FAM171B: variants seen among roughly 807,000 people sequenced by gnomAD.
The protein encoded by FAM171B is family with sequence similarity 171 member B.
A neutral mutation model predicts 75.6 loss-of-function variants in FAM171B; 19 were observed. That is an observed-to-expected ratio of 0.25 (90% CI 0.18 to 0.37). FAM171B has a LOEUF of 0.37. Among genes scored for constraint, FAM171B ranks in the 10% least tolerant of loss-of-function variants. FAM171B has a pLI of 1.00. For missense variants in FAM171B, 848 were observed against 982.4 expected (o/e 0.86, Z 1.83); for synonymous variants, 367 against 361.7 (o/e 1.01, Z -0.17).
rs1464989025 is a variant in FAM171B at position 186,694,336 on chromosome 2, C to CAAG, written c.164_165insAGA (p.Gln55_Gln56insGlu). The CAAG allele has an allele frequency of 6.2e-7, 1 of 1,612,970 alleles. No individual in the cohort carries two copies. The highest frequency in any genetic ancestry group is 1.7e-5 in the Admixed American group (1 of 59,896). The stretch of plus-strand genomic sequence containing the variant: ...GCAGCAGCAGCAACAACAACAACAA[C>CAAG]AGCAAAAGCAGCTGGAGGAGGCTGA... On this transcript the variant is annotated inframe_insertion, in exon 1 of 8. Transcript: ENST00000304698.
At chr2:186,749,702 C>T (rs1690421924) in intron 4 of FAM171B, among the ~76,000 whole-genome samples, 1 of 152,142 alleles carries the variant, frequency 6.6e-6, no homozygotes, top group Non-Finnish European at 1.5e-5. Context: ...GCCTGTCTCC[C>T]CTGCTGCCCT....
chr2:186,755,399 A>G (rs1192633901), intron 6 of FAM171B, among the ~76,000 whole-genome samples: 1 of 152,210 alleles, frequency 6.6e-6, no homozygotes, highest in Non-Finnish European at 1.5e-5. Context: ...ATTTTAGAGT[A>G]AAAGTTGAAT....
intron 1 of FAM171B, among the ~76,000 whole-genome samples, chr2:186,698,174 G>C (rs1689608311): frequency 6.6e-6 from 1 of 152,094 alleles, no homozygotes; most frequent in Admixed American, 6.6e-5. Flanking sequence ...TGCTGGGGTT[G>C]GGGGAGAGAG....
intron 1 of FAM171B, 36 bp from the exon 2 acceptor site, chr2:186,740,192 T>C: frequency 1.4e-6 from 2 of 1,470,418 alleles, no homozygotes; most frequent in Non-Finnish European, 1.9e-6. Context: ...CATTCTAGGA[T>C]ACGACATGCT....
At chr2:186,697,547 T>C (rs1434615501) in intron 1 of FAM171B, among the ~76,000 whole-genome samples, 1 of 152,136 alleles carries the variant, frequency 6.6e-6, no homozygotes, top group Middle Eastern at 3.2e-3. Flanking sequence ...ACCATAATTC[T>C]TTACCTGAGT....
intron 1 of FAM171B, among the ~76,000 whole-genome samples, chr2:186,696,613 C>T (rs138244748): frequency 2.7e-5 from 4 of 149,874 alleles, no homozygotes; most frequent in African/African-American, 9.9e-5. Context: ...TAGCCCTTAC[C>T]CTAACTCTCT....
At position 186,764,119 on chromosome 2, in the gene FAM171B, G is replaced by A. The variant is rs1187780204; in HGVS notation, c.*1296G>A. The A allele has an allele frequency of 6.6e-6, 1 of 151,966 alleles. No homozygotes were observed. Among genetic ancestry groups the A allele is most frequent in the African/African-American group, 2.4e-5 (1 of 41,398 alleles). 9.4% of individuals were successfully genotyped at this position (151,966 alleles called of 1,614,324 possible). On this transcript the variant is annotated 3_prime_UTR_variant, in exon 8 of 8. Transcript: ENST00000304698. Reference sequence around the variant, plus strand: ...AGCTCGTTATTCATTAAAATCAACTGATCCCATTTTTCTTAAAATTTCCCT... The same window carrying A: ...AGCTCGTTATTCATTAAAATCAACTAATCCCATTTTTCTTAAAATTTCCCT...
At chr2:186,700,298 T>C (rs1472644616) in intron 1 of FAM171B, among the ~76,000 whole-genome samples, 11 of 152,044 alleles carry the variant, frequency 7.2e-5, no homozygotes. Context: ...AATGTACATA[T>C]TTTAGTGTAC....
At chr2:186,751,869 C>CA (rs1317776757) in intron 5 of FAM171B, among the ~76,000 whole-genome samples, 2 of 151,548 alleles carry the variant, frequency 1.3e-5, no homozygotes, top group Non-Finnish European at 1.5e-5. Context: ...TGTAAGTTAC[C>CA]AAAAAAAGAC....
At chr2:186,707,701 C>T (rs1245491670) in intron 1 of FAM171B, among the ~76,000 whole-genome samples, 2 of 152,052 alleles carry the variant, frequency 1.3e-5, no homozygotes, top group Non-Finnish European at 2.9e-5. Flanking sequence ...AGGTTTTGTG[C>T]CTCAGTGCCT....
At chr2:186,736,538 C>CCG (rs1553511469) in intron 1 of FAM171B, among the ~76,000 whole-genome samples, 1 of 122,944 alleles carries the variant, frequency 8.1e-6, no homozygotes, top group South Asian at 2.8e-4. Flanking sequence ...ATGTTTGTGG[C>CCG]TGTGTGTGTG....
chr2:186,759,224 A>C (rs1574114886), intron 6 of FAM171B, among the ~76,000 whole-genome samples: 1 of 152,214 alleles, frequency 6.6e-6, no homozygotes, highest in Non-Finnish European at 1.5e-5. Context: ...ATCACTTTCA[A>C]ATCTTGGCTA....
chr2:186,721,718 GTCTC>G (rs1214631981), intron 1 of FAM171B, among the ~76,000 whole-genome samples: 1 of 151,912 alleles, frequency 6.6e-6, no homozygotes, highest in Non-Finnish European at 1.5e-5. Context: ...ATTTATTTGT[GTCTC>G]TCTCAGTGCC....
At chr2:186,745,542 C>A (rs1170809815) in intron 3 of FAM171B, among the ~76,000 whole-genome samples, 1 of 152,042 alleles carries the variant, frequency 6.6e-6, no homozygotes, top group African/African-American at 2.4e-5. Context: ...TAAAAGGTGA[C>A]CCATTTGTAA....
chr2:186,723,338 C>A (rs1211553678), intron 1 of FAM171B, among the ~76,000 whole-genome samples: 1 of 152,100 alleles, frequency 6.6e-6, no homozygotes, highest in African/African-American at 2.4e-5. Flanking sequence ...TAAAAGATTC[C>A]CAACAAATGA....
chr2:186,735,342 G>A (rs1262777870), intron 1 of FAM171B, among the ~76,000 whole-genome samples: 1 of 152,186 alleles, frequency 6.6e-6, no homozygotes, highest in African/African-American at 2.4e-5. Flanking sequence ...TGCCACTGGA[G>A]TGGTGGAGCC....
At chr2:186,708,795 C>T (rs1049494087) in intron 1 of FAM171B, among the ~76,000 whole-genome samples, 3 of 151,992 alleles carry the variant, frequency 2.0e-5, no homozygotes, top group Non-Finnish European at 2.9e-5. Flanking sequence ...ACCAACCAAC[C>T]AAAAGAAATG....
intron 1 of FAM171B, among the ~76,000 whole-genome samples, chr2:186,734,302 A>G (rs1274065052): frequency 6.6e-6 from 1 of 151,688 alleles, no homozygotes; most frequent in Non-Finnish European, 1.5e-5. Context: ...CTCAGCAGAG[A>G]GGAGACCCAG....
At chr2:186,728,247 C>A (rs1292054585) in intron 1 of FAM171B, among the ~76,000 whole-genome samples, 1 of 152,194 alleles carries the variant, frequency 6.6e-6, no homozygotes, top group Non-Finnish European at 1.5e-5. Flanking sequence ...TTAATTTCTA[C>A]ATAATTTCTA....
Sources: allele counts gnomAD v4.1 joint callset (sites outside exome capture counted in the v4.1 genomes callset), GRCh38; gene constraint gnomAD v4.1.1; transcripts MANE v1.5; gene names NCBI Gene and HGNC (gene_info 2026-07-23, HGNC 2026-07-21).